Variants in PLA2G10 observed in about 807,000 individuals in gnomAD.
PLA2G10 encodes the protein phospholipase A2 group X.
Under a neutral mutation model 7.9 loss-of-function variants are expected in PLA2G10, and 9 were observed. The observed-to-expected ratio is 1.14, with a 90% CI of 0.68 to 1.98. PLA2G10 has a LOEUF of 1.98. Among genes scored for constraint, PLA2G10 ranks in the 30% most tolerant of loss-of-function variants. PLA2G10 has a pLI of 0.00. For synonymous variants in PLA2G10, 19 were observed against 27.5 expected (o/e 0.69, Z 0.97); for missense variants, 53 against 65.4 (o/e 0.81, Z 0.66).
At chr16:14,682,041 C>A (rs1028435083) in intron 3 of PLA2G10, among the ~76,000 whole-genome samples, 71 of 151,910 alleles carry the variant, frequency 4.7e-4, no homozygotes, top group African/African-American at 1.7e-3. Flanking sequence ...TCTATGCTGC[C>A]AGGGTGGTCT....
At chr16:14,677,416 G>A (rs1960752008) in intron 3 of PLA2G10, among the ~76,000 whole-genome samples, 1 of 152,214 alleles carries the variant, frequency 6.6e-6, no homozygotes, top group South Asian at 2.1e-4. Context: ...TGCCAGGCTG[G>A]AGTGCAGTGG....
chr16:14,680,847 T>A (rs1296575834), intron 3 of PLA2G10, among the ~76,000 whole-genome samples: 2 of 152,038 alleles, frequency 1.3e-5, no homozygotes, highest in African/African-American at 2.4e-5. Flanking sequence ...AGACTCACAG[T>A]AATATTTGTT....
In PLA2G10 at chr16:14,672,670, G is replaced by A; in HGVS notation, c.435C>T (p.Tyr145=). The A allele has an allele frequency of 6.2e-7, 1 of 1,614,004 alleles. No individual in the cohort carries two copies. The highest frequency in any genetic ancestry group is 1.1e-5 in the South Asian group (1 of 91,082). The part of the protein sequence containing the change: ...EIANCLAQTE[Y]NLKYLFYPQF... Reference sequence around the variant, plus strand: ...GGGGGTAGAAGAGGTACTTTAAGTTGTACTCAGTTTGGGCTAAGCAGTTAG... The same window carrying A: ...GGGGGTAGAAGAGGTACTTTAAGTTATACTCAGTTTGGGCTAAGCAGTTAG... Residue 145 remains tyrosine (Y), a synonymous_variant, in exon 4 of 4, where the codon TAC becomes TAT. Transcript: ENST00000438167.
At chr16:14,676,256 A>T (rs1282248432) in intron 3 of PLA2G10, among the ~76,000 whole-genome samples, 1 of 152,216 alleles carries the variant, frequency 6.6e-6, no homozygotes, top group African/African-American at 2.4e-5. Context: ...CCATCCCACT[A>T]CTAGGTATCT....
chr16:14,679,070 C>T (rs1165694148), intron 3 of PLA2G10, among the ~76,000 whole-genome samples: 1 of 152,232 alleles, frequency 6.6e-6, no homozygotes, highest in East Asian at 1.9e-4. Flanking sequence ...CTCCGGGAGA[C>T]TTTCTCTCAC....
intron 3 of PLA2G10, among the ~76,000 whole-genome samples, chr16:14,673,304 T>G (rs1358580965): frequency 1.3e-5 from 2 of 151,890 alleles, no homozygotes; most frequent in Non-Finnish European, 2.9e-5. Flanking sequence ...ATTACAGGCG[T>G]GAGCCACCAT....
At chr16:14,673,001 T>C (rs1238521605) in intron 3 of PLA2G10, among the ~76,000 whole-genome samples, 2 of 151,442 alleles carry the variant, frequency 1.3e-5, no homozygotes, top group African/African-American at 4.8e-5. Context: ...TATTACACGA[T>C]TTCTTTTTTC....
chr16:14,675,763 AC>A (rs1335961772), intron 3 of PLA2G10, among the ~76,000 whole-genome samples: 9 of 151,864 alleles, frequency 5.9e-5, no homozygotes, highest in Non-Finnish European at 2.9e-5. Context: ...ACATGGTGAA[AC>A]CCCGTCTCTA....
At chr16:14,685,934 A>C (rs945703656) in intron 3 of PLA2G10, among the ~76,000 whole-genome samples, 8 of 149,346 alleles carry the variant, frequency 5.4e-5, no homozygotes, top group African/African-American at 2.0e-4. Context: ...CAGCCTCCCA[A>C]AGTGTTGGGA....
rs185346849 is a variant in PLA2G10 at position 14,675,669 on chromosome 16, G to A, written c.356-2920C>T. Among the ~76,000 whole-genome samples, 253 of 152,104 alleles carry A rather than the reference G, an allele frequency of 1.7e-3. 1 individual carries two copies. The highest frequency in any genetic ancestry group is 3.0e-3 in the Admixed American group (45 of 15,254). On this transcript the variant is annotated intron_variant, in intron 3 of 3. Transcript: ENST00000438167. ...AAAAAGTGGGCACATGGCCAGGCAC[G>A]ATGGCTCACATCTGTAATCCCAGCA...
chr16:14,684,762 C>T (rs1961004867), intron 3 of PLA2G10, among the ~76,000 whole-genome samples: 1 of 152,080 alleles, frequency 6.6e-6, no homozygotes, highest in African/African-American at 2.4e-5. Flanking sequence ...TTTGAGGCTG[C>T]AGTGAGCCAT....
intron 3 of PLA2G10, among the ~76,000 whole-genome samples, chr16:14,681,189 G>C (rs1039973655): frequency 4.2e-5 from 6 of 141,580 alleles, no homozygotes; most frequent in Admixed American, 7.1e-5. Flanking sequence ...GAAAAGAAAA[G>C]AAAAGGGGGA....
intron 1 of PLA2G10, among the ~76,000 whole-genome samples, chr16:14,693,307 CTCTG>C (rs1567508069): frequency 4.0e-5 from 1 of 24,768 alleles, no homozygotes; most frequent in African/African-American, 1.6e-4. Flanking sequence ...GTCTGTGCTG[CTCTG>C]TGTGTGTGTG....
At chr16:14,679,837 G>A (rs886495530) in intron 3 of PLA2G10, among the ~76,000 whole-genome samples, 16 of 152,062 alleles carry the variant, frequency 1.1e-4, no homozygotes, top group Middle Eastern at 3.4e-3. Context: ...GTGACAGATC[G>A]AGATGGTCAC....
chr16:14,685,696 T>C (rs1043757708), intron 3 of PLA2G10, among the ~76,000 whole-genome samples: 1 of 152,100 alleles, frequency 6.6e-6, no homozygotes, highest in African/African-American at 2.4e-5. Flanking sequence ...TTTCTTTTTG[T>C]TGTTGTTGTT....
At chr16:14,673,726 G>T (rs115623553) in intron 3 of PLA2G10, among the ~76,000 whole-genome samples, 1 of 151,916 alleles carries the variant, frequency 6.6e-6, no homozygotes, top group Non-Finnish European at 1.5e-5. Context: ...GGCATAGAAG[G>T]AACATACCTC....
chr16:14,684,410 T>C (rs1960990168), intron 3 of PLA2G10, among the ~76,000 whole-genome samples: 1 of 150,710 alleles, frequency 6.6e-6, no homozygotes, highest in South Asian at 2.1e-4. Flanking sequence ...CTCATGCCTG[T>C]AATCCCAGCA....
At chr16:14,683,979 C>T (rs1215970372) in intron 3 of PLA2G10, among the ~76,000 whole-genome samples, 2 of 152,144 alleles carry the variant, frequency 1.3e-5, no homozygotes, top group East Asian at 3.9e-4. Context: ...TTCATGCCTG[C>T]AATCCCAGCA....
intron 3 of PLA2G10, chr16:14,678,766 T>C: frequency 2.7e-6 from 1 of 371,986 alleles, no homozygotes. Context: ...CAAGACTGTC[T>C]CAAAAAAAAA....
Sources: gnomAD v4.1 joint callset for allele counts (sites outside exome capture counted in the v4.1 genomes callset) on GRCh38, gnomAD v4.1.1 for gene constraint, MANE v1.5 for transcripts, NCBI Gene and HGNC (gene_info 2026-07-23, HGNC 2026-07-21) for gene names.